PCMTD1: variants seen among roughly 807,000 people sequenced by gnomAD.
PCMTD1 encodes protein-L-isoaspartate (D-aspartate) O-methyltransferase domain containing 1.
A neutral mutation model predicts 37.6 loss-of-function variants in PCMTD1; 12 were observed. The ratio of observed to expected loss-of-function variants is 0.32; its 90% CI spans 0.20 to 0.52. PCMTD1 has a LOEUF of 0.52. Among genes scored for constraint, PCMTD1 ranks in the 20% least tolerant of loss-of-function variants. PCMTD1 has a pLI of 0.97. For synonymous variants in PCMTD1, 117 were observed against 135.8 expected (o/e 0.86, Z 0.96); for missense variants, 235 against 421.3 (o/e 0.56, Z 3.87).
intron 1 of PCMTD1, among the ~76,000 whole-genome samples, chr8:51,887,908 A>C (rs1439020335): frequency 6.6e-6 from 1 of 151,834 alleles, no homozygotes; most frequent in Non-Finnish European, 1.5e-5. Flanking sequence ...ACACTCAGCT[A>C]ATTTTTTTGT....
intron 2 of PCMTD1, among the ~76,000 whole-genome samples, chr8:51,858,096 T>C (rs2038417527): frequency 6.6e-6 from 1 of 152,204 alleles, no homozygotes; most frequent in African/African-American, 2.4e-5. Flanking sequence ...AAGTGGAAAT[T>C]CCCCAAGGAG....
intron 1 of PCMTD1, among the ~76,000 whole-genome samples, chr8:51,876,841 T>C (rs574395886): frequency 6.6e-6 from 1 of 152,310 alleles, no homozygotes; most frequent in Non-Finnish European, 1.5e-5. Context: ...GCTCTCACAG[T>C]AGAATGGCAA....
intron 3 of PCMTD1, among the ~76,000 whole-genome samples, chr8:51,838,638 G>A (rs529432940): frequency 1.3e-5 from 2 of 152,090 alleles, no homozygotes; most frequent in East Asian, 3.9e-4. Context: ...TTCTTCCAAA[G>A]TAGAGAAAAA....
At position 51,842,887 on chromosome 8, in the gene PCMTD1, A is replaced by C. The variant is rs2038167548; in HGVS notation, c.410+2774T>G. 2.0e-5 allele frequency among the ~76,000 whole-genome samples: 3 copies of C among 152,264 alleles called. No homozygotes were observed. The South Asian group carries it at 6.2e-4, about 32-fold the overall frequency. The stretch of plus-strand genomic sequence containing the variant: ...ATTTATTCTCTCTCCATTACACATA[A>C]TCAACGATAATCTGGTACTAAGGAA... On this transcript the variant is annotated intron_variant, in intron 3 of 5. Coordinates refer to ENST00000522514, the MANE Select transcript of PCMTD1 (RefSeq NM_052937.4).
chr8:51,866,454 A>C (rs2038557025), intron 1 of PCMTD1, among the ~76,000 whole-genome samples: 1 of 152,040 alleles, frequency 6.6e-6, no homozygotes, highest in Non-Finnish European at 1.5e-5. Flanking sequence ...AAGTAGATGG[A>C]GAGACCAGAA....
intron 1 of PCMTD1, among the ~76,000 whole-genome samples, chr8:51,889,675 G>A (rs533717598): frequency 5.9e-5 from 9 of 152,272 alleles, no homozygotes; most frequent in Non-Finnish European, 1.2e-4. Flanking sequence ...AAAGTTATAC[G>A]AAAATGTGAA....
chr8:51,838,537 T>C (rs2038100225), intron 3 of PCMTD1, among the ~76,000 whole-genome samples: 1 of 152,042 alleles, frequency 6.6e-6, no homozygotes, highest in Non-Finnish European at 1.5e-5. Flanking sequence ...TTTATATATA[T>C]ATTTATATAT....
chr8:51,848,889 G>C (rs943398622), intron 2 of PCMTD1: 4 of 151,878 alleles, frequency 2.6e-5, no homozygotes, highest in African/African-American at 7.2e-5. Flanking sequence ...AATATGAATG[G>C]TAACTAACAT....
rs943075042 is a variant in PCMTD1 at position 51,817,990 on chromosome 8, C to T, written c.*2361G>A. On this transcript the variant is annotated 3_prime_UTR_variant, in exon 6 of 6. Coordinates refer to ENST00000522514, the MANE Select transcript of PCMTD1 (RefSeq NM_052937.4). The stretch of plus-strand genomic sequence containing the variant: ...TTTAACTAGCTATAAAATTCCAATA[C>T]TATATTCCCCATCATTTTCACTTAC... 3 of 455,014 alleles carry T rather than the reference C, an allele frequency of 6.6e-6. No individual in the cohort carries two copies. Among genetic ancestry groups the T allele is most frequent in the Non-Finnish European group, 8.8e-6 (2 of 226,042 alleles). 28.2% of individuals were successfully genotyped at this position (455,014 alleles called of 1,614,324 possible). A position where few individuals can be genotyped will look rare whatever the true frequency, so the allele number is the denominator to read the frequency against.
chr8:51,895,704 T>C (rs532064441), intron 1 of PCMTD1, among the ~76,000 whole-genome samples: 10 of 152,308 alleles, frequency 6.6e-5, no homozygotes, highest in African/African-American at 2.2e-4. Context: ...AAAACGTCTT[T>C]AGGGGGCTGA....
At chr8:51,842,509 A>C (rs77623513) in intron 3 of PCMTD1, among the ~76,000 whole-genome samples, 9,330 of 150,380 alleles carry the variant, frequency 0.062, 385 homozygotes, top group Non-Finnish European at 0.088. Flanking sequence ...TTTTTTGTAG[A>C]GACAGGGTTT....
At chr8:51,835,934 G>C (rs911832957) in intron 3 of PCMTD1, among the ~76,000 whole-genome samples, 3 of 152,168 alleles carry the variant, frequency 2.0e-5, no homozygotes, top group Non-Finnish European at 4.4e-5. Context: ...TTAAATGTGT[G>C]ACACTGGGCA....
intron 1 of PCMTD1, among the ~76,000 whole-genome samples, chr8:51,872,550 A>G (rs190334407): frequency 1.3e-5 from 2 of 152,326 alleles, no homozygotes; most frequent in East Asian, 3.9e-4. Context: ...TTAACTGCCA[A>G]TAGTTCTTAG....
chr8:51,827,457 T>TG (rs2037937224), intron 5 of PCMTD1: 17 of 381,590 alleles, frequency 4.5e-5, no homozygotes, highest in South Asian at 3.4e-4. Context: ...CATGCTATCC[T>TG]GCCTGGGATG....
At chr8:51,894,713 C>G (rs1169876896) in intron 1 of PCMTD1, among the ~76,000 whole-genome samples, 1 of 151,686 alleles carries the variant, frequency 6.6e-6, no homozygotes, top group Admixed American at 6.6e-5. Context: ...AGATTAATGT[C>G]TCTTGCTGTG....
intron 2 of PCMTD1, among the ~76,000 whole-genome samples, chr8:51,848,642 TTTC>T (rs1258010090): frequency 6.6e-6 from 1 of 151,614 alleles, no homozygotes; most frequent in East Asian, 1.9e-4. Flanking sequence ...TTAAAGAAAA[TTTC>T]TTAATTTTTT....
At position 51,894,282 on chromosome 8, in the gene PCMTD1, CTT is replaced by C. The variant is rs2038971932; in HGVS notation, c.-96+4646_-96+4647del. 3.9e-5 allele frequency among the ~76,000 whole-genome samples: 6 copies of C among 152,110 alleles called. No homozygotes were observed. In the South Asian group the frequency reaches 1.2e-3, roughly 31 times the overall value. On this transcript the variant is annotated intron_variant, in intron 1 of 5. Transcript: ENST00000522514. ...AGCTGCTGGGACAGAAAGAATGTAA[CTT>C]AATATTTTAAACTAAAACAAGAAAT... is the stretch of plus-strand genomic sequence containing the variant.
chr8:51,823,210 TC>T (rs1458721827), intron 5 of PCMTD1, among the ~76,000 whole-genome samples: 1 of 152,182 alleles, frequency 6.6e-6, no homozygotes, highest in Non-Finnish European at 1.5e-5. Context: ...AAGCCTGTAA[TC>T]CCAGCACTTT....
intron 1 of PCMTD1, among the ~76,000 whole-genome samples, chr8:51,864,489 T>C (rs1340232660): frequency 6.6e-6 from 1 of 152,192 alleles, no homozygotes; most frequent in Non-Finnish European, 1.5e-5. Context: ...TAAGTCTCTA[T>C]GAATTTAAGA....
Sources: gnomAD v4.1 joint callset for allele counts (sites outside exome capture counted in the v4.1 genomes callset) on GRCh38, gnomAD v4.1.1 for gene constraint, MANE v1.5 for transcripts, NCBI Gene and HGNC (gene_info 2026-07-23, HGNC 2026-07-21) for gene names.